Variants in CHODL observed in about 807,000 individuals in gnomAD.
CHODL encodes the protein transmembrane protein MT75.
A neutral mutation model predicts 34.5 loss-of-function variants in CHODL; 29 were observed. The observed-to-expected ratio is 0.84, with a 90% CI of 0.63 to 1.15. The LOEUF (loss-of-function observed/expected upper bound fraction) is 1.15, where lower values mean the gene tolerates loss of function less well. Ranked by LOEUF, CHODL falls within the 50% of genes most tolerant of loss-of-function variation. The pLI, the probability that CHODL is intolerant of heterozygous loss-of-function variation, is 0.00. For missense variants in CHODL, 332 were observed against 332.5 expected (o/e 1.00, Z 0.01); for synonymous variants, 125 against 116.1 (o/e 1.08, Z -0.49).
intron 2 of CHODL, among the ~76,000 whole-genome samples, chr21:18,237,331 C>A (rs1411529443): frequency 6.6e-6 from 1 of 151,940 alleles, no homozygotes; most frequent in Non-Finnish European, 1.5e-5. Context: ...TTACGTATAG[C>A]GAAAGTAAGG....
intron 2 of CHODL, among the ~76,000 whole-genome samples, chr21:18,232,984 A>G (rs1449822285): frequency 9.2e-6 from 1 of 108,190 alleles, no homozygotes; most frequent in South Asian, 2.6e-4. Context: ...TATATATATG[A>G]CCTATCTATC....
At chr21:18,116,329 T>C (rs1254212766) in intron 2 of CHODL, among the ~76,000 whole-genome samples, 1 of 152,092 alleles carries the variant, frequency 6.6e-6, no homozygotes, top group East Asian at 1.9e-4. Context: ...CTTTTCTCTT[T>C]TATCTCATTT....
chr21:18,022,275 C>G (rs1452431346), intron 1 of CHODL: 1 of 152,180 alleles, frequency 6.6e-6, no homozygotes, highest in Non-Finnish European at 1.5e-5. Context: ...ACAGGCTTTC[C>G]TTGGCCTGTG....
At chr21:18,121,109 C>T (rs1465116860) in intron 2 of CHODL, among the ~76,000 whole-genome samples, 1 of 152,004 alleles carries the variant, frequency 6.6e-6, no homozygotes, top group Admixed American at 6.6e-5. Context: ...TTTCAAGTTC[C>T]TCAGGGCTTC....
chr21:18,125,576 G>A (rs1052582007), intron 2 of CHODL, among the ~76,000 whole-genome samples: 2 of 151,824 alleles, frequency 1.3e-5, no homozygotes, highest in Non-Finnish European at 2.9e-5. Context: ...TTAATTAATT[G>A]TATTAATTAC....
At chr21:18,104,005 T>A (rs1473942421) in intron 2 of CHODL, among the ~76,000 whole-genome samples, 1 of 152,180 alleles carries the variant, frequency 6.6e-6, no homozygotes. Context: ...AATGAGACAA[T>A]GTCTGTTAGG....
intron 1 of CHODL, among the ~76,000 whole-genome samples, chr21:17,976,183 A>T (rs2063660274): frequency 7.3e-6 from 1 of 136,616 alleles, no homozygotes; most frequent in African/African-American, 2.6e-5. Flanking sequence ...AGGCAGGAGG[A>T]TTGCTTGAGC....
At chr21:18,058,053 T>C (rs993765502) in intron 2 of CHODL, among the ~76,000 whole-genome samples, 1 of 152,100 alleles carries the variant, frequency 6.6e-6, no homozygotes, top group African/African-American at 2.4e-5. Flanking sequence ...TACAGTTCTG[T>C]AGAACACTAG....
intron 2 of CHODL, among the ~76,000 whole-genome samples, chr21:18,062,382 T>A (rs1426976356): frequency 1.3e-5 from 2 of 151,946 alleles, no homozygotes; most frequent in East Asian, 1.9e-4. Flanking sequence ...CTAATTTTTT[T>A]ATTTTTTGTA....
In CHODL at chr21:17,920,736, A is replaced by C. The variant is rs151158875; in HGVS notation, c.-145+3336A>C. Reference sequence around the variant, plus strand: ...TATGAGGATTAGCTGCAGTCAGTAGAGAGTGAGATCTATCGGAGTAAATAC... The same window carrying C: ...TATGAGGATTAGCTGCAGTCAGTAGCGAGTGAGATCTATCGGAGTAAATAC... On this transcript the variant is annotated intron_variant, in intron 1 of 6. Transcript: ENST00000400127. Among the ~76,000 whole-genome samples the C allele has an allele frequency of 8.0e-3, 1,217 of 152,358 alleles. 18 individuals are homozygous for C. The highest frequency in any genetic ancestry group is 0.027 in the African/African-American group (1,121 of 41,584).
At position 18,107,233 on chromosome 21, in the gene CHODL, G is replaced by C. The variant is rs141241434; in HGVS notation, c.-45+79262G>C. Among the ~76,000 whole-genome samples the C allele has an allele frequency of 3.9e-3, 599 of 152,330 alleles. 3 individuals are homozygous for C. The highest frequency in any genetic ancestry group is 0.014 in the African/African-American group (578 of 41,574). On this transcript the variant is annotated intron_variant, in intron 2 of 6. Transcript: ENST00000400127. ...GAATTGCTGGAAGCTTAATCAGATG[G>C]TTGCTCTTATAGCAGCTGTAGTTTC...
intron 1 of CHODL, among the ~76,000 whole-genome samples, chr21:18,001,871 A>T (rs1308756401): frequency 6.6e-6 from 1 of 151,608 alleles, no homozygotes; most frequent in Non-Finnish European, 1.5e-5. Flanking sequence ...TAAATATAAA[A>T]TAGGTTACTT....
intron 1 of CHODL, among the ~76,000 whole-genome samples, chr21:18,027,091 A>G (rs1390565899): frequency 7.0e-6 from 1 of 142,308 alleles, no homozygotes; most frequent in Non-Finnish European, 1.5e-5. Context: ...AGCCTGGACA[A>G]CATAGTGAGA....
intron 1 of CHODL, among the ~76,000 whole-genome samples, chr21:17,978,890 G>A (rs1399094980): frequency 6.6e-6 from 1 of 152,022 alleles, no homozygotes; most frequent in African/African-American, 2.4e-5. Context: ...CTTGTTGGCT[G>A]TCAGCGAAGG....
At chr21:18,030,479 C>T (rs1191069302) in intron 2 of CHODL, among the ~76,000 whole-genome samples, 4 of 152,188 alleles carry the variant, frequency 2.6e-5, no homozygotes. Flanking sequence ...AAACTGATGT[C>T]ATTAACCACA....
intron 2 of CHODL, among the ~76,000 whole-genome samples, chr21:18,050,936 T>TTA (rs1555857391): frequency 4.3e-4 from 65 of 151,476 alleles, no homozygotes; most frequent in African/African-American, 9.0e-4. Context: ...CTTTTTTTTT[T>TTA]TTATTATTAT....
At chr21:18,112,775 C>A (rs761621291) in intron 2 of CHODL, among the ~76,000 whole-genome samples, 1 of 152,094 alleles carries the variant, frequency 6.6e-6, no homozygotes, top group Non-Finnish European at 1.5e-5. Flanking sequence ...CTAAATGCAC[C>A]AAAGACTTAA....
At chr21:18,238,160 T>G (rs1291613033) in intron 2 of CHODL, among the ~76,000 whole-genome samples, 1 of 152,094 alleles carries the variant, frequency 6.6e-6, no homozygotes, top group African/African-American at 2.4e-5. Context: ...AAAACCAGTA[T>G]AGAGTCTGGG....
At chr21:17,966,226 GT>G (rs1274481159) in intron 1 of CHODL, among the ~76,000 whole-genome samples, 2 of 152,228 alleles carry the variant, frequency 1.3e-5, no homozygotes, top group African/African-American at 4.8e-5. Flanking sequence ...GTTTTGCTTA[GT>G]TCTGGCAGTT....
Sources: allele counts gnomAD v4.1 joint callset (sites outside exome capture counted in the v4.1 genomes callset), GRCh38; gene constraint gnomAD v4.1.1; transcripts MANE v1.5; gene names NCBI Gene and HGNC (gene_info 2026-07-23, HGNC 2026-07-21).